Variants in ASPRV1 observed in about 807,000 individuals in gnomAD.
The protein encoded by ASPRV1 is retroviral-like aspartic protease 1.
In ASPRV1, 7 loss-of-function variants were observed where a neutral mutation model predicts 11.0. That is an observed-to-expected ratio of 0.64 (90% CI 0.36 to 1.20). The LOEUF is 1.20. Among genes scored for constraint, ASPRV1 ranks in the 50% most tolerant of loss-of-function variants. The pLI is 0.02. For missense variants in ASPRV1, 299 were observed against 320.0 expected, an observed-to-expected ratio of 0.93 and a Z score of 0.50; for synonymous variants, 136 against 138.4, an observed-to-expected ratio of 0.98 and a Z score of 0.12.
the ASPRV1 span, among the ~76,000 whole-genome samples, chr2:70,083,258 C>T: frequency 6.6e-6 from 1 of 152,208 alleles, no homozygotes; most frequent in Non-Finnish European, 1.5e-5. Flanking sequence ...AGAGGTTCAG[C>T]TCAAATTCTA....
At chr2:69,999,793 C>G in the ASPRV1 span, among the ~76,000 whole-genome samples, 2 of 151,518 alleles carry the variant, frequency 1.3e-5, no homozygotes, top group Non-Finnish European at 2.9e-5. Context: ...ACCCCCACCA[C>G]TCCCCTTCCT....
chr2:70,063,011 C>T, the ASPRV1 span, among the ~76,000 whole-genome samples: 1 of 152,178 alleles, frequency 6.6e-6, no homozygotes, highest in African/African-American at 2.4e-5. Context: ...GCAGGTGCCT[C>T]ACCTCACAGA....
the ASPRV1 span, among the ~76,000 whole-genome samples, chr2:70,033,161 T>G: frequency 2.3e-4 from 35 of 152,200 alleles, no homozygotes; most frequent in African/African-American, 8.4e-4. Context: ...CTCCATTTCT[T>G]GCTGGACTTC....
the ASPRV1 span, among the ~76,000 whole-genome samples, chr2:69,995,017 A>T: frequency 0.034 from 5,200 of 151,262 alleles, 149 homozygotes; most frequent in African/African-American, 0.067. Flanking sequence ...ATAAATAAAT[A>T]AATTAATTAA....
Position 69,961,184 on chromosome 2 carries a change from G to A in ASPRV1, c.253C>T (p.Leu85=). The A allele has an allele frequency of 1.2e-6, 2 of 1,613,790 alleles. No individual in the cohort carries two copies. The highest frequency in any genetic ancestry group is 1.7e-6 in the Non-Finnish European group (2 of 1,179,776). The stretch of plus-strand genomic sequence containing the variant: ...GCCCCAGGGACCCCAAAGGCCTTCA[G>A]GAGGGCCTCTTTCACAGTCCCATAG... ...GDYGTVKEAL[L]KAFGVPGAAP... is the part of the protein sequence containing the mutation. Residue 85 remains leucine (L), a synonymous_variant, in exon 1 of 1, where the codon CTG becomes TTG. Transcript: ENST00000320256.
At chr2:70,061,131 C>A in the ASPRV1 span, among the ~76,000 whole-genome samples, 5 of 151,862 alleles carry the variant, frequency 3.3e-5, no homozygotes, top group African/African-American at 1.2e-4. Flanking sequence ...CACGGTGGCT[C>A]ATGCCTGTAA....
chr2:69,937,568 AG>A, the ASPRV1 span, among the ~76,000 whole-genome samples: 5 of 152,174 alleles, frequency 3.3e-5, no homozygotes, highest in African/African-American at 1.2e-4. Context: ...GCTAACACTT[AG>A]GTGACAACCC....
chr2:70,045,842 A>C, the ASPRV1 span: 2 of 152,280 alleles, frequency 1.3e-5, no homozygotes, highest in East Asian at 3.9e-4. Flanking sequence ...AGAATCGCTT[A>C]AACCCAGAGG....
chr2:69,942,884 G>A, the ASPRV1 span: 3 of 152,126 alleles, frequency 2.0e-5, no homozygotes, highest in Non-Finnish European at 4.4e-5. Flanking sequence ...TCTTTGCTGT[G>A]TATATGTAAA....
At chr2:69,999,238 C>A in the ASPRV1 span, among the ~76,000 whole-genome samples, 2 of 152,004 alleles carry the variant, frequency 1.3e-5, no homozygotes, top group East Asian at 3.9e-4. Flanking sequence ...TCCCAGGTAG[C>A]TGGGACTCCA....
At chr2:69,933,200 C>CAAAA in the ASPRV1 span, among the ~76,000 whole-genome samples, 6 of 80,150 alleles carry the variant, frequency 7.5e-5, no homozygotes, top group East Asian at 3.6e-4. Flanking sequence ...AACTCTGTCT[C>CAAAA]AAAAAAAAAA....
At chr2:70,058,427 G>A in the ASPRV1 span, among the ~76,000 whole-genome samples, 2 of 151,990 alleles carry the variant, frequency 1.3e-5, no homozygotes, top group East Asian at 3.9e-4. Flanking sequence ...ATTTTTTGTA[G>A]AGACAGTGTT....
At chr2:69,962,825 TG>T (rs762602660), upstream of ASPRV1, 1 of 185,912 alleles carries the variant, frequency 5.4e-6, no homozygotes, top group Non-Finnish European at 1.2e-5. Flanking sequence ...AACCAGAGTC[TG>T]GGGCTCACAA....
chr2:70,003,135 C>T, the ASPRV1 span: 4 of 152,210 alleles, frequency 2.6e-5, no homozygotes, highest in Non-Finnish European at 5.9e-5. Flanking sequence ...CTCTTTTTCT[C>T]CTTGTGTATG....
the ASPRV1 span, among the ~76,000 whole-genome samples, chr2:69,983,806 G>C: frequency 6.6e-6 from 1 of 152,200 alleles, no homozygotes; most frequent in African/African-American, 2.4e-5. Context: ...TTTTCTGAGG[G>C]GGAACTACTT....
chr2:70,047,555 A>C, the ASPRV1 span, among the ~76,000 whole-genome samples: 1 of 152,250 alleles, frequency 6.6e-6, no homozygotes, highest in East Asian at 1.9e-4. Flanking sequence ...TAGAAGGTAC[A>C]GCACGCCAAA....
the ASPRV1 span, among the ~76,000 whole-genome samples, chr2:70,083,162 G>A: frequency 2.0e-5 from 3 of 152,184 alleles, no homozygotes; most frequent in South Asian, 6.2e-4. Flanking sequence ...AGCCTTTTGA[G>A]TTTAAGGTAA....
At chr2:70,034,225 TTA>T in the ASPRV1 span, among the ~76,000 whole-genome samples, 1 of 151,750 alleles carries the variant, frequency 6.6e-6, no homozygotes. Context: ...TTTTATTTAT[TTA>T]TATGTTTTTT....
the ASPRV1 span, chr2:69,937,472 A>AGGC: frequency 7.2e-7 from 1 of 1,380,502 alleles, no homozygotes; most frequent in African/African-American, 1.5e-5. Context: ...TGCGGACAGG[A>AGGC]GGCAGAGTGT....
Sources: gnomAD v4.1 joint callset for allele counts (sites outside exome capture counted in the v4.1 genomes callset) on GRCh38, gnomAD v4.1.1 for gene constraint, MANE v1.5 for transcripts, NCBI Gene and HGNC (gene_info 2026-07-23, HGNC 2026-07-21) for gene names.